SUPT3H: variants seen among roughly 807,000 people sequenced by gnomAD.
SUPT3H encodes the protein transcription initiation protein SPT3 homolog.
SUPT3H carries 44 observed loss-of-function variants against 44.3 expected under a neutral mutation model. That is an observed-to-expected ratio of 0.99 (90% confidence interval 0.78 to 1.28). The LOEUF (loss-of-function observed/expected upper bound fraction) is 1.28. Among genes scored for constraint, SUPT3H ranks in the 50% most tolerant of loss-of-function variants. The pLI is 0.00. For synonymous variants in SUPT3H, 124 were observed against 125.6 expected (o/e 0.99, Z 0.09); for missense variants, 380 against 387.1 (o/e 0.98, Z 0.15).
chr6:44,857,990 T>C (rs1292933346), intron 10 of SUPT3H, among the ~76,000 whole-genome samples: 3 of 152,198 alleles, frequency 2.0e-5, no homozygotes, highest in African/African-American at 7.2e-5. Context: ...GGTTACTTTT[T>C]CTTGGCTAAC....
At chr6:45,057,434 T>C (rs2153539917) in intron 3 of SUPT3H, among the ~76,000 whole-genome samples, 1 of 152,022 alleles carries the variant, frequency 6.6e-6, no homozygotes, top group South Asian at 2.1e-4. Context: ...ACATAGAAGG[T>C]ATTGTGATGA....
At chr6:45,111,933 T>C (rs1489923754) in intron 2 of SUPT3H, among the ~76,000 whole-genome samples, 1 of 152,148 alleles carries the variant, frequency 6.6e-6, no homozygotes, top group African/African-American at 2.4e-5. Flanking sequence ...AGTCATACTA[T>C]ATTCTGGCCG....
At chr6:45,360,339 T>G (rs1794037576) in intron 2 of SUPT3H, among the ~76,000 whole-genome samples, 1 of 152,174 alleles carries the variant, frequency 6.6e-6, no homozygotes, top group African/African-American at 2.4e-5. Flanking sequence ...CACAGCATGT[T>G]CTATACAAGC....
At chr6:45,106,462 C>G (rs2153571564) in intron 2 of SUPT3H, among the ~76,000 whole-genome samples, 1 of 152,234 alleles carries the variant, frequency 6.6e-6, no homozygotes, top group Non-Finnish European at 1.5e-5. Flanking sequence ...AAAAGAAAGT[C>G]TTTCCCACAC....
At position 44,944,070 on chromosome 6, in the gene SUPT3H, A is replaced by G. The variant is rs761242057; in HGVS notation, c.801+9240T>C. Among the ~76,000 whole-genome samples, 3 of 152,108 alleles carry G rather than the reference A, an allele frequency of 2.0e-5. 1 individual carries two copies. In the South Asian group the frequency reaches 6.2e-4, roughly 32 times the overall value. On this transcript the variant is annotated intron_variant, in intron 9 of 10. Coordinates refer to ENST00000371459, the MANE Select transcript of SUPT3H (RefSeq NM_003599.4). ...TTCATTAAAACGCACTAGATTATTT[A>G]AGACAAAAATTATGGTATTATGGCT...
chr6:45,166,742 G>C (rs148635934), intron 2 of SUPT3H, among the ~76,000 whole-genome samples: 73 of 152,204 alleles, frequency 4.8e-4, no homozygotes, highest in Middle Eastern at 3.4e-3. Flanking sequence ...CAAAAATGAA[G>C]ATATCTGAAT....
intron 10 of SUPT3H, among the ~76,000 whole-genome samples, chr6:44,931,760 A>G (rs1032780536): frequency 2.0e-5 from 3 of 152,166 alleles, no homozygotes; most frequent in Admixed American, 1.3e-4. Flanking sequence ...AAAGCATTCT[A>G]TTTAACTAAA....
chr6:45,072,226 A>G (rs1422000945), intron 3 of SUPT3H, among the ~76,000 whole-genome samples: 2 of 152,188 alleles, frequency 1.3e-5, no homozygotes, highest in Non-Finnish European at 2.9e-5. Flanking sequence ...AAATTAGGCA[A>G]TATACACCAA....
chr6:45,300,801 G>A (rs541209066), intron 2 of SUPT3H, among the ~76,000 whole-genome samples: 1 of 143,326 alleles, frequency 7.0e-6, no homozygotes, highest in Admixed American at 7.2e-5. Context: ...GGAAAGTGGG[G>A]GTGGGTGTTA....
At chr6:44,903,908 T>C (rs1765536645) in intron 10 of SUPT3H, among the ~76,000 whole-genome samples, 1 of 152,162 alleles carries the variant, frequency 6.6e-6, no homozygotes, top group African/African-American at 2.4e-5. Context: ...ATCCAGCATA[T>C]AAACAGAACC....
chr6:44,893,508 A>G (rs1431161129), intron 10 of SUPT3H, among the ~76,000 whole-genome samples: 5 of 152,264 alleles, frequency 3.3e-5, no homozygotes, highest in South Asian at 2.1e-4. Context: ...TACTGAGAAT[A>G]ATGATTTCCA....
At chr6:45,311,727 G>A (rs1424584032) in intron 2 of SUPT3H, among the ~76,000 whole-genome samples, 2 of 152,048 alleles carry the variant, frequency 1.3e-5, no homozygotes, top group African/African-American at 4.8e-5. Flanking sequence ...CATCATATAT[G>A]AAGGAAAGAT....
chr6:45,218,882 A>T (rs1011368879), intron 2 of SUPT3H, among the ~76,000 whole-genome samples: 1 of 152,230 alleles, frequency 6.6e-6, no homozygotes. Flanking sequence ...GAGCCATGAA[A>T]CAAATCTCAA....
At chr6:45,141,438 G>T (rs4714840) in intron 2 of SUPT3H, among the ~76,000 whole-genome samples, 53 of 150,724 alleles carry the variant, frequency 3.5e-4, no homozygotes, top group South Asian at 2.3e-3. Context: ...ACTTAAATAA[G>T]TTTTTTTTAA....
At chr6:45,284,400 G>A (rs547397334) in intron 2 of SUPT3H, among the ~76,000 whole-genome samples, 80 of 152,198 alleles carry the variant, frequency 5.3e-4, no homozygotes, top group Non-Finnish European at 9.7e-4. Flanking sequence ...AATAAAAAAT[G>A]ATAAAGGGGA....
At chr6:45,177,361 T>C (rs1386618003) in intron 2 of SUPT3H, among the ~76,000 whole-genome samples, 1 of 151,538 alleles carries the variant, frequency 6.6e-6, no homozygotes, top group Non-Finnish European at 1.5e-5. Context: ...AGAAGGGAAG[T>C]TTAGAGAAAA....
At chr6:44,927,539 T>C (rs945278716) in intron 10 of SUPT3H, among the ~76,000 whole-genome samples, 3 of 152,188 alleles carry the variant, frequency 2.0e-5, no homozygotes, top group African/African-American at 7.2e-5. Context: ...AGAAACTTTA[T>C]AAATTAGGTC....
intron 9 of SUPT3H, among the ~76,000 whole-genome samples, chr6:44,936,417 T>G (rs924599535): frequency 6.6e-6 from 1 of 152,232 alleles, no homozygotes; most frequent in African/African-American, 2.4e-5. Context: ...GTGGTAAAGT[T>G]AGGGCTTTTA....
chr6:44,973,603 A>G (rs1207786752), intron 6 of SUPT3H, among the ~76,000 whole-genome samples: 1 of 151,960 alleles, frequency 6.6e-6, no homozygotes, highest in East Asian at 1.9e-4. Context: ...TCACTTCCAC[A>G]TTTTCAGGTA....
Sources: allele counts gnomAD v4.1 joint callset (sites outside exome capture counted in the v4.1 genomes callset), GRCh38; gene constraint gnomAD v4.1.1; transcripts MANE v1.5; gene names NCBI Gene and HGNC (gene_info 2026-07-23, HGNC 2026-07-21).